Variants in ARMCX4 observed in about 807,000 individuals in gnomAD.
ARMCX4 encodes the protein armadillo repeat-containing X-linked protein 4.
Under a neutral mutation model 34.7 loss-of-function variants are expected in ARMCX4, and 3 were observed. The ratio of observed to expected loss-of-function variants is 0.09; its 90% CI spans 0.04 to 0.22. The LOEUF (loss-of-function observed/expected upper bound fraction) is 0.22, where lower values mean the gene tolerates loss of function less well. Ranked by LOEUF, ARMCX4 falls within the 10% of genes least tolerant of loss-of-function variation. ARMCX4 has a pLI of 1.00. For missense variants in ARMCX4, 1,448 were observed against 1,720.8 expected, an observed-to-expected ratio of 0.84 and a Z score of 2.81; for synonymous variants, 513 against 632.8, an observed-to-expected ratio of 0.81 and a Z score of 2.84.
chrX:101,463,734 T>C (rs184664313), intron 4 of ARMCX4, among the ~76,000 whole-genome samples: 100 of 111,074 alleles, frequency 9.0e-4, no homozygotes, highest in African/African-American at 3.0e-3. Flanking sequence ...CTATGTGTAG[T>C]ATTAATTTTA....
At chrX:101,479,656 T>C (rs940465017) in intron 4 of ARMCX4, among the ~76,000 whole-genome samples, 1 of 109,401 alleles carries the variant, frequency 9.1e-6, no homozygotes, top group Non-Finnish European at 1.9e-5. Flanking sequence ...AATTTTTGTA[T>C]TTTTAGTAAA....
intron 2 of ARMCX4, among the ~76,000 whole-genome samples, chrX:101,435,490 AT>A (rs1195017786): frequency 1.8e-5 from 2 of 110,461 alleles, no homozygotes; most frequent in Admixed American, 1.9e-4. Flanking sequence ...AGGTTGTTTG[AT>A]TTTTTTCTTG....
At chrX:101,529,042 A>G (rs1480190179) in intron 11 of ARMCX4, among the ~76,000 whole-genome samples, 1 of 111,657 alleles carries the variant, frequency 9.0e-6, no homozygotes, top group Non-Finnish European at 1.9e-5. Context: ...CCTAATCAAA[A>G]AGAACAAAGC....
chrX:101,426,552 C>G (rs1335181343), intron 2 of ARMCX4, among the ~76,000 whole-genome samples: 1 of 111,623 alleles, frequency 9.0e-6, no homozygotes, highest in African/African-American at 3.3e-5. Flanking sequence ...TGTAGGTTGA[C>G]CAGAGAAAAA....
At position 101,495,544 on chromosome X, in the gene ARMCX4, A is replaced by G; in HGVS notation, c.*82A>G. 1 of 965,607 alleles carries G rather than the reference A, an allele frequency of 1.0e-6. No homozygotes were observed. The highest frequency in any genetic ancestry group is 1.4e-6 in the Non-Finnish European group (1 of 738,591). The allele number at this position is 965,607 out of a possible 1,213,427, so 79.6% of individuals were successfully genotyped here. On this transcript the variant is annotated 3_prime_UTR_variant, in exon 6 of 6. Coordinates refer to ENST00000423738, the MANE Select transcript of ARMCX4 (RefSeq NM_001256155.3). ...TAATGCACATTGTAAATTGCATTAT[A>G]ACTTTGAAACTGATGTTACCTATGA...
chrX:101,435,603 G>A (rs376283067), intron 2 of ARMCX4, among the ~76,000 whole-genome samples: 3 of 109,423 alleles, frequency 2.7e-5, no homozygotes, highest in Admixed American at 9.8e-5. Context: ...TGTTCACTCT[G>A]ATGGTAGTTT....
chrX:101,446,607 G>A (rs1284292612), downstream of ARMCX4, among the ~76,000 whole-genome samples: 2 of 111,130 alleles, frequency 1.8e-5, no homozygotes, highest in South Asian at 3.7e-4. Flanking sequence ...CAGGAATCTA[G>A]GAGTGGTTAA....
chrX:101,473,016 T>C (rs1556003393), intron 4 of ARMCX4, among the ~76,000 whole-genome samples: 2 of 109,946 alleles, frequency 1.8e-5, no homozygotes, highest in East Asian at 2.9e-4. Context: ...GACTGGCAAA[T>C]TGGATAAAGA....
downstream of ARMCX4, among the ~76,000 whole-genome samples, chrX:101,535,323 C>T (rs1252300641): frequency 9.0e-6 from 1 of 111,524 alleles, no homozygotes; most frequent in East Asian, 2.8e-4. Flanking sequence ...CTAAGGTGGG[C>T]CCACTAGTGT....
Position 101,495,347 on chromosome X carries a change from T to C in ARMCX4, c.6758T>C (p.Leu2253Pro). 1 of 1,154,144 alleles carries C rather than the reference T, an allele frequency of 8.7e-7. No individual in the cohort carries two copies. Among genetic ancestry groups the C allele is most frequent in the Non-Finnish European group, 1.1e-6 (1 of 871,748 alleles). The change falls in exon 6 of 6, where the codon CTT becomes CCT. Residue 2253 changes from leucine to proline, a missense_variant. Physicochemically the swap from Leu to Pro is moderately conservative, Grantham distance 98. This residue lies in a region of ARMCX4 where 105 missense variants were observed against 180.2 expected (regional missense o/e 0.58). Transcript: ENST00000423738. ...FTQDKFSKNS[L>P]YFLFQRPKAC... is the part of the protein sequence containing the mutation. ...CAGGACAAATTCAGTAAAAATTCCC[T>C]TTATTTCCTATTCCAACGACCTAAA...
intron 4 of ARMCX4, among the ~76,000 whole-genome samples, chrX:101,455,233 T>C: frequency 8.9e-6 from 1 of 111,796 alleles, no homozygotes. Flanking sequence ...AAGTTATGAA[T>C]TAGAGTGGAA....
chrX:101,431,972 A>G (rs782598847), intron 2 of ARMCX4, among the ~76,000 whole-genome samples: 44 of 112,814 alleles, frequency 3.9e-4, no homozygotes, highest in Non-Finnish European at 6.6e-4. Flanking sequence ...AAAGATATAT[A>G]TGAAAACAAA....
intron 2 of ARMCX4, among the ~76,000 whole-genome samples, chrX:101,433,183 C>T (rs1158974375): frequency 2.0e-5 from 1 of 49,411 alleles, no homozygotes; most frequent in East Asian, 5.2e-4. Flanking sequence ...TGTATATACA[C>T]GCACACATAC....
At chrX:101,449,749 C>T (rs1428538464), downstream of ARMCX4, among the ~76,000 whole-genome samples, 1 of 111,380 alleles carries the variant, frequency 9.0e-6, no homozygotes, top group African/African-American at 3.3e-5. Context: ...GTCGTGTTTC[C>T]CTAGATGGTC....
At chrX:101,423,787 T>C (rs1929433500) in intron 2 of ARMCX4, among the ~76,000 whole-genome samples, 1 of 111,281 alleles carries the variant, frequency 9.0e-6, no homozygotes, top group African/African-American at 3.3e-5. Flanking sequence ...GGAGAGGAGC[T>C]GAAGGTTAAA....
intron 2 of ARMCX4, among the ~76,000 whole-genome samples, chrX:101,425,851 C>T (rs1281344824): frequency 9.0e-6 from 1 of 110,758 alleles, no homozygotes; most frequent in Non-Finnish European, 1.9e-5. Context: ...GACAGGGTCT[C>T]ACGCTGTTGC....
intron 2 of ARMCX4, among the ~76,000 whole-genome samples, chrX:101,441,321 A>T (rs1296300269): frequency 1.8e-5 from 2 of 111,043 alleles, no homozygotes; most frequent in African/African-American, 6.6e-5. Flanking sequence ...ATTTCCATGC[A>T]AATCCCAGGA....
intron 2 of ARMCX4, among the ~76,000 whole-genome samples, chrX:101,438,455 C>T (rs1555995697): frequency 9.0e-6 from 1 of 110,972 alleles, no homozygotes; most frequent in Non-Finnish European, 1.9e-5. Context: ...GTCCCAGCTA[C>T]TTGGGAGGCT....
Position 101,494,027 on chromosome X carries a change from C to A in ARMCX4, c.5438C>A (p.Ala1813Asp). The A allele has an allele frequency of 1.2e-6, 1 of 851,767 alleles. No homozygotes were observed. The highest frequency in any genetic ancestry group is 2.9e-5 in the Admixed American group (1 of 34,746). 70.2% of individuals were successfully genotyped at this position (851,767 alleles called of 1,213,427 possible). A position where few individuals can be genotyped will look rare whatever the true frequency, so the allele number is the denominator to read the frequency against. ...TCCTGTGTAGGGGCTGAGGCTGGGG[C>A]TGGGGCTGAGGCTGGGGCTGGGGCT... ...MGSCVGAEAG[A>D]GAEAGAGAEA... Residue 1813 changes from alanine (A) to aspartate (D), a missense_variant, in exon 6 of 6, where the codon GCT becomes GAT. Around this residue, in one of 2 missense-constraint regions of ARMCX4, gnomAD observed 1,343 missense variants for 1,540.7 expected, o/e 0.87. Transcript: ENST00000423738.
Sources: allele counts gnomAD v4.1 joint callset (sites outside exome capture counted in the v4.1 genomes callset), GRCh38; gene constraint gnomAD v4.1.1; regional missense constraint gnomAD v4.1.1; transcripts MANE v1.5; gene names NCBI Gene and HGNC (gene_info 2026-07-23, HGNC 2026-07-21).